The following JAZF1 variants were observed in gnomAD, a reference collection of about 807,000 sequenced individuals.
JAZF1 encodes the protein juxtaposed with another zinc finger protein 1.
Under a neutral mutation model 26.4 loss-of-function variants are expected in JAZF1, and 8 were observed. The observed-to-expected ratio is 0.30, with a 90% CI of 0.18 to 0.55. JAZF1 has a LOEUF of 0.55. Ranked by LOEUF, JAZF1 falls within the 20% of genes least tolerant of loss-of-function variation. The pLI is 0.94. For missense variants in JAZF1, 199 were observed against 322.0 expected, an observed-to-expected ratio of 0.62 and a Z score of 2.92; for synonymous variants, 126 against 122.3, an observed-to-expected ratio of 1.03 and a Z score of -0.20.
chr7:27,966,089 A>C (rs961329366), intron 2 of JAZF1, among the ~76,000 whole-genome samples: 2 of 152,244 alleles, frequency 1.3e-5, no homozygotes, highest in African/African-American at 4.8e-5. Flanking sequence ...CTAATGCTTT[A>C]TGAGCAGCAT....
At chr7:28,031,527 T>C (rs1282639059) in intron 1 of JAZF1, among the ~76,000 whole-genome samples, 2 of 152,206 alleles carry the variant, frequency 1.3e-5, no homozygotes, top group Admixed American at 1.3e-4. Flanking sequence ...TTATGCTGGT[T>C]ACTAGCACCG....
intron 1 of JAZF1, among the ~76,000 whole-genome samples, chr7:28,074,612 G>A (rs992472292): frequency 1.6e-4 from 24 of 152,208 alleles, no homozygotes; most frequent in African/African-American, 5.8e-4. Flanking sequence ...TAGAAGAAAT[G>A]AGCTATTTGA....
intron 1 of JAZF1, among the ~76,000 whole-genome samples, chr7:28,036,269 C>T (rs1365656879): frequency 6.6e-6 from 1 of 152,192 alleles, no homozygotes; most frequent in African/African-American, 2.4e-5. Flanking sequence ...GAATAAACTT[C>T]AGGTTAGAGT....
intron 1 of JAZF1, among the ~76,000 whole-genome samples, chr7:28,043,339 C>T (rs1277425763): frequency 6.6e-6 from 1 of 152,132 alleles, no homozygotes; most frequent in African/African-American, 2.4e-5. Flanking sequence ...GACCTATCAC[C>T]TGCATCTTTC....
intron 4 of JAZF1, chr7:27,833,251 T>C (rs1782742812): frequency 4.7e-6 from 1 of 211,822 alleles, no homozygotes; most frequent in Middle Eastern, 1.6e-3. Flanking sequence ...ATATAAAATA[T>C]ATATTTAGGA....
In JAZF1 at chr7:27,978,014, A is replaced by C. The variant is rs1229605830; in HGVS notation, c.188+13895T>G. Among the ~76,000 whole-genome samples, 3 of 152,328 alleles carry C rather than the reference A, an allele frequency of 2.0e-5. No homozygotes were observed. The East Asian group carries it at 5.8e-4, about 29-fold the overall frequency. Reference sequence around the variant, plus strand: ...GTGACAGAAATCATGATGGAAATTTAATTATTTAAATATTTTTATGCTGCA... The same window carrying C: ...GTGACAGAAATCATGATGGAAATTTCATTATTTAAATATTTTTATGCTGCA... On this transcript the variant is annotated intron_variant, in intron 2 of 4. Transcript: ENST00000283928.
chr7:27,880,051 G>C (rs1218986908), intron 3 of JAZF1, among the ~76,000 whole-genome samples: 1 of 152,174 alleles, frequency 6.6e-6, no homozygotes, highest in African/African-American at 2.4e-5. Context: ...CTACCACGAA[G>C]ATGGAGCTAC....
chr7:27,951,607 T>A (rs1785009275), intron 2 of JAZF1, among the ~76,000 whole-genome samples: 1 of 152,236 alleles, frequency 6.6e-6, no homozygotes, highest in Admixed American at 6.5e-5. Context: ...TTCAGGATCC[T>A]GAATCCTTTT....
chr7:28,000,847 G>A (rs186129262), intron 1 of JAZF1, among the ~76,000 whole-genome samples: 2 of 151,896 alleles, frequency 1.3e-5, no homozygotes, highest in Admixed American at 1.3e-4. Context: ...TCGAACTCCT[G>A]GGCTCAAGCA....
In JAZF1 at chr7:28,125,984, G is replaced by A. The variant is rs755771; in HGVS notation, c.115+54479C>T. ...AACAAGACCTTTGGGTGACTCCACC[G>A]GAATGGGATCCAAGCAAACAAATTC... On this transcript the variant is annotated intron_variant, in intron 1 of 4. Coordinates refer to ENST00000283928, the MANE Select transcript of JAZF1 (RefSeq NM_175061.4). Among the ~76,000 whole-genome samples the A allele has an allele frequency of 7.2e-3, 1,093 of 152,154 alleles. 15 individuals carry two copies. Among genetic ancestry groups the A allele is most frequent in the African/African-American group, 0.024 (998 of 41,452 alleles).
chr7:28,162,423 T>G (rs1342531488), intron 1 of JAZF1, among the ~76,000 whole-genome samples: 1 of 152,270 alleles, frequency 6.6e-6, no homozygotes, highest in Non-Finnish European at 1.5e-5. Flanking sequence ...TTCTACCTTA[T>G]GTGAAAGAGA....
intron 1 of JAZF1, among the ~76,000 whole-genome samples, chr7:28,077,325 C>T (rs957795097): frequency 1.3e-5 from 2 of 152,138 alleles, no homozygotes; most frequent in East Asian, 1.9e-4. Context: ...CCTATTAAGC[C>T]GACCATACAG....
intron 2 of JAZF1, among the ~76,000 whole-genome samples, chr7:27,966,324 C>G (rs1785274745): frequency 6.6e-6 from 1 of 152,182 alleles, no homozygotes; most frequent in African/African-American, 2.4e-5. Flanking sequence ...CTTACACCAG[C>G]CTTACATGAT....
chr7:27,928,892 CTT>C (rs1005658112), intron 2 of JAZF1, among the ~76,000 whole-genome samples: 24 of 152,278 alleles, frequency 1.6e-4, no homozygotes, highest in African/African-American at 5.8e-4. Flanking sequence ...CCCCATGACA[CTT>C]TACCTATGTA....
chr7:27,877,386 G>A (rs904477798), intron 3 of JAZF1, among the ~76,000 whole-genome samples: 6 of 152,152 alleles, frequency 3.9e-5, no homozygotes, highest in African/African-American at 1.4e-4. Context: ...AGGTATAACG[G>A]TCTGAACGGG....
At chr7:28,055,063 T>C (rs1027084934) in intron 1 of JAZF1, among the ~76,000 whole-genome samples, 1 of 152,184 alleles carries the variant, frequency 6.6e-6, no homozygotes, top group East Asian at 1.9e-4. Flanking sequence ...ATTCGTGTAC[T>C]ACATGTTAAT....
intron 2 of JAZF1, among the ~76,000 whole-genome samples, chr7:27,941,597 C>A (rs755335632): frequency 6.6e-5 from 10 of 152,192 alleles, no homozygotes; most frequent in Non-Finnish European, 1.5e-4. Flanking sequence ...AATGCACAGG[C>A]CTACCTTGGA....
chr7:28,167,006 C>T (rs993921686), intron 1 of JAZF1, among the ~76,000 whole-genome samples: 2 of 152,120 alleles, frequency 1.3e-5, no homozygotes, highest in Admixed American at 6.5e-5. Flanking sequence ...GCATAGGGAG[C>T]ATCACCATGG....
intron 3 of JAZF1, among the ~76,000 whole-genome samples, chr7:27,886,568 C>T (rs1031376187): frequency 6.6e-6 from 1 of 152,198 alleles, no homozygotes; most frequent in Admixed American, 6.5e-5. Flanking sequence ...CTTTTAATTG[C>T]ATTGAAACAG....
Sources: allele counts gnomAD v4.1 joint callset (sites outside exome capture counted in the v4.1 genomes callset), GRCh38; gene constraint gnomAD v4.1.1; transcripts MANE v1.5; gene names NCBI Gene and HGNC (gene_info 2026-07-23, HGNC 2026-07-21).